SLC17A8: variants seen among roughly 807,000 people sequenced by gnomAD.
The protein encoded by SLC17A8 is solute carrier family 17 member 8.
A neutral mutation model predicts 58.0 loss-of-function variants in SLC17A8; 31 were observed. That is an observed-to-expected ratio of 0.53 (90% CI 0.40 to 0.72). SLC17A8 has a LOEUF of 0.72. SLC17A8 is among the 30% of genes least tolerant of loss of function. The pLI is 0.00. For missense variants in SLC17A8, 655 were observed against 727.8 expected, an observed-to-expected ratio of 0.90 and a Z score of 1.15; for synonymous variants, 228 against 249.0, an observed-to-expected ratio of 0.92 and a Z score of 0.79.
intron 1 of SLC17A8, among the ~76,000 whole-genome samples, chr12:100,367,680 A>G (rs1313727743): frequency 6.6e-6 from 1 of 152,024 alleles, no homozygotes; most frequent in African/African-American, 2.4e-5. Flanking sequence ...CCTCCTGAGT[A>G]GCTGAGACTA....
At chr12:100,400,998 CTTT>C (rs4015907) in intron 5 of SLC17A8, among the ~76,000 whole-genome samples, 2 of 113,094 alleles carry the variant, frequency 1.8e-5, no homozygotes, top group African/African-American at 6.5e-5. Flanking sequence ...CACCCCTCAC[CTTT>C]TTTTTTTTTT....
At chr12:100,373,603 G>A (rs991833190) in intron 1 of SLC17A8, among the ~76,000 whole-genome samples, 1 of 98,988 alleles carries the variant, frequency 1.0e-5, no homozygotes, top group Non-Finnish European at 1.9e-5. Context: ...TTTTTTTTCC[G>A]AGACAGAGTC....
At chr12:100,381,750 A>G (rs923067178) in intron 2 of SLC17A8, among the ~76,000 whole-genome samples, 4 of 152,262 alleles carry the variant, frequency 2.6e-5, no homozygotes, top group African/African-American at 9.6e-5. Flanking sequence ...AGCCAATTAT[A>G]TTAAAATATA....
At chr12:100,385,630 G>A (rs562543250) in intron 2 of SLC17A8, among the ~76,000 whole-genome samples, 6 of 152,166 alleles carry the variant, frequency 3.9e-5, no homozygotes, top group African/African-American at 1.4e-4. Context: ...CCTCTCAGAA[G>A]TGTGAGCAGA....
At chr12:100,392,632 AT>A (rs1272183140) in intron 3 of SLC17A8, among the ~76,000 whole-genome samples, 1 of 152,180 alleles carries the variant, frequency 6.6e-6, no homozygotes, top group Non-Finnish European at 1.5e-5. Context: ...TTGAAAAAAA[AT>A]CACACATAAT....
intron 11 of SLC17A8, among the ~76,000 whole-genome samples, chr12:100,418,722 C>T (rs757236639): frequency 1.8e-4 from 27 of 152,202 alleles, no homozygotes; most frequent in Non-Finnish European, 3.4e-4. Flanking sequence ...GTCACTGAAA[C>T]GTCTCAAGAT....
At chr12:100,396,229 G>C in intron 4 of SLC17A8, 101 bp from the exon 5 acceptor site, 1 of 917,308 alleles carries the variant, frequency 1.1e-6, no homozygotes, top group Non-Finnish European at 1.8e-6. Context: ...TGTAAATTGG[G>C]CTTTTATATT....
At chr12:100,395,166 C>T (rs1952744176) in intron 4 of SLC17A8, among the ~76,000 whole-genome samples, 1 of 152,002 alleles carries the variant, frequency 6.6e-6, no homozygotes, top group Non-Finnish European at 1.5e-5. Context: ...AATATAAAGA[C>T]CTTTTCCCCC....
intron 1 of SLC17A8, among the ~76,000 whole-genome samples, chr12:100,361,886 G>A (rs896925721): frequency 2.0e-5 from 3 of 151,066 alleles, no homozygotes; most frequent in Admixed American, 6.6e-5. Context: ...GCTTGAATCC[G>A]GGAGGCAGAG....
rs1364415359 is a variant in SLC17A8, at chr12:100,417,920, C to T, written c.1298-109C>T. 3.4e-5 allele frequency: 48 copies of T among 1,401,598 alleles called. 1 individual carries two copies. Among genetic ancestry groups the T allele is most frequent in the Non-Finnish European group, 4.3e-5 (43 of 992,864 alleles). The allele number at this position is 1,401,598 out of a possible 1,614,324, so 86.8% of individuals were successfully genotyped here. A position where few individuals can be genotyped will look rare whatever the true frequency, so the allele number is the denominator to read the frequency against. On this transcript the variant is annotated intron_variant, in intron 10 of 11. Transcript: ENST00000323346. ...TCTTGGTCTGGAAACTAGTCATATA[C>T]TAGAGGAAACCAAACAGATTGGTAA...
chr12:100,411,798 T>C (rs553356742), intron 9 of SLC17A8, among the ~76,000 whole-genome samples: 1 of 152,230 alleles, frequency 6.6e-6, no homozygotes, highest in Admixed American at 6.5e-5. Context: ...GAACAGAAAG[T>C]ACTTTTGTTC....
At chr12:100,363,068 C>T (rs375750327) in intron 1 of SLC17A8, among the ~76,000 whole-genome samples, 35 of 152,266 alleles carry the variant, frequency 2.3e-4, no homozygotes, top group African/African-American at 7.5e-4. Context: ...GATCCATGAC[C>T]CTTATCACTG....
At chr12:100,413,200 A>G (rs956035555) in intron 10 of SLC17A8, among the ~76,000 whole-genome samples, 1 of 152,154 alleles carries the variant, frequency 6.6e-6, no homozygotes. Context: ...CTTTAGCACC[A>G]TGTCACCCTA....
At chr12:100,411,709 G>A (rs148134798) in intron 9 of SLC17A8, among the ~76,000 whole-genome samples, 183 of 151,716 alleles carry the variant, frequency 1.2e-3, no homozygotes, top group African/African-American at 4.0e-3. Flanking sequence ...CTTTTTTTTC[G>A]GGTGAGAAGG....
intron 9 of SLC17A8, among the ~76,000 whole-genome samples, chr12:100,407,095 C>T (rs954653801): frequency 3.9e-5 from 6 of 152,272 alleles, no homozygotes; most frequent in South Asian, 2.1e-4. Context: ...GCACCTAGTG[C>T]GGTGTTCAAC....
At chr12:100,414,334 GA>G (rs1400025729) in intron 10 of SLC17A8, among the ~76,000 whole-genome samples, 1 of 152,126 alleles carries the variant, frequency 6.6e-6, no homozygotes, top group Non-Finnish European at 1.5e-5. Context: ...AAATAGAGTT[GA>G]TGAATAAATT....
chr12:100,372,287 C>T (rs546763327), intron 1 of SLC17A8, among the ~76,000 whole-genome samples: 3 of 152,270 alleles, frequency 2.0e-5, no homozygotes, highest in South Asian at 2.1e-4. Context: ...TTGCTATGTC[C>T]TCAGATGGCT....
In SLC17A8 at chr12:100,401,813, C is replaced by A; in HGVS notation, c.713C>A (p.Ala238Asp). 6.2e-7 allele frequency: 1 copy of A among 1,613,984 alleles called. No homozygotes were observed. Among genetic ancestry groups the A allele is most frequent in the Non-Finnish European group, 8.5e-7 (1 of 1,179,922 alleles). Residue 238 changes from alanine to aspartate, a missense_variant, in exon 6 of 12, where the codon GCT becomes GAT. Coordinates refer to ENST00000323346, the MANE Select transcript of SLC17A8 (RefSeq NM_139319.3). ...YAGAVVAMPLAGVLVQYIGWS... is the reference protein window; with the variant it reads ...YAGAVVAMPLDGVLVQYIGWS... ...GGGGCAGTGGTTGCCATGCCCCTGG[C>A]TGGGGTGTTGGTGCAGTACATTGGA... is the stretch of plus-strand genomic sequence containing the variant.
chr12:100,405,708 G>A (rs867803266), intron 9 of SLC17A8, among the ~76,000 whole-genome samples: 44 of 152,252 alleles, frequency 2.9e-4, no homozygotes, highest in Admixed American at 1.0e-3. Context: ...CTGTACAATA[G>A]TGCAGAGAGT....
Sources: allele counts gnomAD v4.1 joint callset (sites outside exome capture counted in the v4.1 genomes callset), GRCh38; gene constraint gnomAD v4.1.1; transcripts MANE v1.5; gene names NCBI Gene and HGNC (gene_info 2026-07-23, HGNC 2026-07-21).